RFTN2: variants seen among roughly 807,000 people sequenced by gnomAD.
RFTN2 encodes raftlin family member 2, also known as raftlin-2.
In RFTN2, 34 loss-of-function variants were observed where a neutral mutation model predicts 52.7. That is an observed-to-expected ratio of 0.64 (90% CI 0.49 to 0.86). The LOEUF (loss-of-function observed/expected upper bound fraction) is 0.86, where lower values mean the gene tolerates loss of function less well. Among genes scored for constraint, RFTN2 ranks in the 40% least tolerant of loss-of-function variants. The probability of loss-of-function intolerance (pLI) is 0.00; values close to 1 mark genes in which losing one functional copy is unlikely to be tolerated. For missense variants in RFTN2, 536 were observed against 600.1 expected, an observed-to-expected ratio of 0.89 and a Z score of 1.12; for synonymous variants, 203 against 217.7, an observed-to-expected ratio of 0.93 and a Z score of 0.59.
Position 197,619,141 on chromosome 2 carries a change from G to A in RFTN2, c.929-1220C>T, listed in dbSNP as rs1228309471. 5.3e-5 allele frequency among the ~76,000 whole-genome samples: 8 copies of A among 151,454 alleles called. No individual in the cohort carries two copies. In the East Asian group the frequency reaches 1.4e-3, roughly 26 times the overall value. On this transcript the variant is annotated intron_variant, in intron 5 of 8. Coordinates refer to ENST00000295049, the MANE Select transcript of RFTN2 (RefSeq NM_144629.3). ...CCCCGTCCGGGAGGGAGGTGGGGGG[G>A]GTCAGCCCCCCATCCGGGAGGTGAG...
chr2:197,592,260 A>T (rs931296756), intron 8 of RFTN2, among the ~76,000 whole-genome samples: 1 of 152,172 alleles, frequency 6.6e-6, no homozygotes, highest in Admixed American at 6.5e-5. Flanking sequence ...CAATGGCATG[A>T]TCTCAGCTGA....
chr2:197,647,350 T>C (rs1254386794), intron 1 of RFTN2, among the ~76,000 whole-genome samples: 1 of 152,198 alleles, frequency 6.6e-6, no homozygotes, highest in Non-Finnish European at 1.5e-5. Flanking sequence ...GCTGGGACTA[T>C]AGGTGCATGC....
chr2:197,629,282 C>A (rs75272843), intron 5 of RFTN2, among the ~76,000 whole-genome samples: 35,647 of 152,022 alleles, frequency 0.23, 4,461 homozygotes, highest in African/African-American at 0.31. Context: ...AGGATGATTT[C>A]ATGTCCTTTG....
chr2:197,634,063 T>A, intron 3 of RFTN2, 66 bp from the exon 4 acceptor site: 1 of 1,340,098 alleles, frequency 7.5e-7, no homozygotes, highest in Non-Finnish European at 1.0e-6. Context: ...CTTTATCAAT[T>A]AACCTTTAGG....
intron 5 of RFTN2, among the ~76,000 whole-genome samples, chr2:197,621,878 G>A (rs2088272241): frequency 1.3e-5 from 2 of 152,146 alleles, no homozygotes; most frequent in Admixed American, 6.6e-5. Flanking sequence ...TGAGACAGGC[G>A]GTAAACTAGG....
chr2:197,631,196 A>G lies in RFTN2; in HGVS notation c.743T>C (p.Val248Ala). Reference sequence around the variant, plus strand: ...TGAATCATCATCAAAAGCATTGAAGACTGTATACAATTTGTTATCTGAGGC... The same window carrying G: ...TGAATCATCATCAAAAGCATTGAAGGCTGTATACAATTTGTTATCTGAGGC... ...GEASDNKLYT[V>A]FNAFDDDSTS... The change falls in exon 5 of 9, where the codon GTC becomes GCC. Residue 248 changes from valine to alanine, a missense_variant. By Grantham distance (64) the Val-to-Ala change is moderately conservative. Coordinates refer to ENST00000295049, the MANE Select transcript of RFTN2 (RefSeq NM_144629.3). 6.2e-7 allele frequency: 1 copy of G among 1,611,994 alleles called. No homozygotes were observed. Among genetic ancestry groups the G allele is most frequent in the Non-Finnish European group, 8.5e-7 (1 of 1,179,346 alleles).
intron 8 of RFTN2, among the ~76,000 whole-genome samples, chr2:197,581,645 G>A (rs1432964298): frequency 2.0e-5 from 3 of 151,966 alleles, no homozygotes; most frequent in African/African-American, 7.3e-5. Context: ...ATTCTCCAAG[G>A]GATATCTGGT....
At chr2:197,637,892 C>T (rs1207686318) in intron 3 of RFTN2, among the ~76,000 whole-genome samples, 1 of 151,882 alleles carries the variant, frequency 6.6e-6, no homozygotes, top group African/African-American at 2.4e-5. Flanking sequence ...GTAAATTTCC[C>T]TCTACACACT....
At chr2:197,575,829 ATAATATATT>A (rs2087404656) in intron 8 of RFTN2, among the ~76,000 whole-genome samples, 2 of 83,530 alleles carry the variant, frequency 2.4e-5, no homozygotes, top group Admixed American at 2.9e-4. Context: ...TATTCTATAT[ATAATATATT>A]ATATATATTT....
intron 8 of RFTN2, among the ~76,000 whole-genome samples, chr2:197,575,644 A>T (rs1378177962): frequency 6.6e-6 from 1 of 151,566 alleles, no homozygotes; most frequent in Non-Finnish European, 1.5e-5. Flanking sequence ...ATGAGCCTGT[A>T]GTCCCAGCTA....
intron 8 of RFTN2, among the ~76,000 whole-genome samples, chr2:197,575,758 TTA>T (rs1275909592): frequency 7.8e-6 from 1 of 127,618 alleles, no homozygotes; most frequent in South Asian, 2.3e-4. Context: ...AATATATTTT[TTA>T]TATATATAAT....
chr2:197,583,156 C>T (rs1289857137), intron 8 of RFTN2, among the ~76,000 whole-genome samples: 2 of 152,220 alleles, frequency 1.3e-5, no homozygotes, highest in Non-Finnish European at 1.5e-5. Context: ...TTAAGGAAAT[C>T]ACTTCTCAGT....
intron 8 of RFTN2, chr2:197,588,013 T>C (rs1432946824): frequency 4.3e-6 from 2 of 470,474 alleles, no homozygotes; most frequent in Admixed American, 4.7e-5. Context: ...CACACTGTCT[T>C]ACCCACATCT....
chr2:197,669,109 T>G (rs1425206641), intron 1 of RFTN2, among the ~76,000 whole-genome samples: 1 of 152,256 alleles, frequency 6.6e-6, no homozygotes, highest in Non-Finnish European at 1.5e-5. Flanking sequence ...CTCACTGTTT[T>G]GGTTCTTCCT....
chr2:197,603,194 A>G (rs892649523), intron 7 of RFTN2, among the ~76,000 whole-genome samples: 1 of 152,212 alleles, frequency 6.6e-6, no homozygotes, highest in Non-Finnish European at 1.5e-5. Context: ...CATGTACCCT[A>G]AAACTTAAAG....
chr2:197,639,974 T>C (rs951178312), intron 3 of RFTN2, among the ~76,000 whole-genome samples: 1 of 152,096 alleles, frequency 6.6e-6, no homozygotes, highest in African/African-American at 2.4e-5. Context: ...GACCCTCAGA[T>C]GCAGGTCTGT....
intron 1 of RFTN2, among the ~76,000 whole-genome samples, chr2:197,669,099 C>T (rs892287234): frequency 6.6e-6 from 1 of 152,186 alleles, no homozygotes; most frequent in Non-Finnish European, 1.5e-5. Context: ...TGATTATCTA[C>T]TCACTGTTTT....
At chr2:197,642,670 A>T (rs1204032043) in intron 3 of RFTN2, among the ~76,000 whole-genome samples, 1 of 152,170 alleles carries the variant, frequency 6.6e-6, no homozygotes, top group East Asian at 1.9e-4. Flanking sequence ...TCAATTCCTA[A>T]GGAGGGGATT....
intron 3 of RFTN2, among the ~76,000 whole-genome samples, chr2:197,636,890 T>G (rs2088576176): frequency 6.6e-6 from 1 of 151,340 alleles, no homozygotes; most frequent in African/African-American, 2.4e-5. Flanking sequence ...CATAGATAGC[T>G]CTTATTATTT....
Sources: allele counts gnomAD v4.1 joint callset (sites outside exome capture counted in the v4.1 genomes callset), GRCh38; gene constraint gnomAD v4.1.1; transcripts MANE v1.5; gene names NCBI Gene and HGNC (gene_info 2026-07-23, HGNC 2026-07-21).